ZNF473: variants seen among roughly 807,000 people sequenced by gnomAD.
The protein encoded by ZNF473 is zinc finger protein 473.
A neutral mutation model predicts 11.1 loss-of-function variants in ZNF473; 4 were observed. The observed-to-expected ratio is 0.36, with a 90% CI of 0.18 to 0.82. The LOEUF is 0.82. Ranked by LOEUF, ZNF473 falls within the 40% of genes least tolerant of loss-of-function variation. ZNF473 has a pLI of 0.49. For missense variants in ZNF473, 854 were observed against 1,084.0 expected, an observed-to-expected ratio of 0.79 and a Z score of 2.98; for synonymous variants, 404 against 390.4, an observed-to-expected ratio of 1.03 and a Z score of -0.41.
intron 2 of ZNF473, among the ~76,000 whole-genome samples, chr19:50,038,456 G>A (rs1309741666): frequency 1.3e-5 from 2 of 152,046 alleles, no homozygotes; most frequent in African/African-American, 4.8e-5. Flanking sequence ...CTGCTCTCCT[G>A]ACCAGCTCAC....
intron 2 of ZNF473, among the ~76,000 whole-genome samples, chr19:50,033,463 G>C (rs1051756398): frequency 7.2e-5 from 11 of 152,106 alleles, no homozygotes; most frequent in African/African-American, 2.7e-4. Context: ...GCCGTTGGAG[G>C]GTTTGGAGCA....
At chr19:50,036,217 C>T (rs1978427610) in intron 2 of ZNF473, among the ~76,000 whole-genome samples, 1 of 152,056 alleles carries the variant, frequency 6.6e-6, no homozygotes, top group African/African-American at 2.4e-5. Context: ...GCCTCAGCCT[C>T]TCAAAGTGCT....
chr19:50,045,610 G>C lies in ZNF473; in HGVS notation c.1167G>C (p.Leu389=). 1 of 1,614,102 alleles carries C rather than the reference G, an allele frequency of 6.2e-7. No homozygotes were observed. Among genetic ancestry groups the C allele is most frequent in the Non-Finnish European group, 8.5e-7 (1 of 1,180,010 alleles). ...GGAAGATTTTTAGGCACAGTTCGCT[G>C]CTCATTGAACACCAGGCTCTTCATG... is the stretch of plus-strand genomic sequence containing the variant. ...ECGKIFRHSS[L]LIEHQALHAG... Residue 389 remains leucine, a synonymous_variant, in exon 5 of 5, where the codon CTG becomes CTC. Coordinates refer to ENST00000270617, the MANE Select transcript of ZNF473 (RefSeq NM_015428.4).
intron 2 of ZNF473, among the ~76,000 whole-genome samples, chr19:50,034,456 T>G (rs1047324651): frequency 1.3e-5 from 2 of 152,208 alleles, no homozygotes; most frequent in African/African-American, 2.4e-5. Context: ...ACACATCAAA[T>G]GCATGACCTA....
At chr19:50,036,946 G>A (rs946650018) in intron 2 of ZNF473, among the ~76,000 whole-genome samples, 3 of 152,208 alleles carry the variant, frequency 2.0e-5, no homozygotes, top group African/African-American at 7.2e-5. Context: ...GTAACTTGGA[G>A]AAAGTGACTA....
At chr19:50,033,884 C>CATTATCTGTGATGA (rs2077331491) in intron 2 of ZNF473, among the ~76,000 whole-genome samples, 1 of 152,158 alleles carries the variant, frequency 6.6e-6, no homozygotes, top group African/African-American at 2.4e-5. Flanking sequence ...ACATTTAGGA[C>CATTATCTGTGATGA]CAACCCAGAT....
intron 4 of ZNF473, 55 bp from the exon 5 acceptor site, chr19:50,044,615 C>G (rs1298970056): frequency 1.4e-6 from 2 of 1,441,860 alleles, no homozygotes; most frequent in South Asian, 2.6e-5. Context: ...CCTACTTGCT[C>G]TTGTCTGTGT....
At chr19:50,033,577 T>C (rs2122811550) in intron 2 of ZNF473, among the ~76,000 whole-genome samples, 1 of 152,320 alleles carries the variant, frequency 6.6e-6, no homozygotes, top group South Asian at 2.1e-4. Context: ...AGGGTCTTAC[T>C]GCTGCTGTAA....
Position 50,046,989 on chromosome 19 carries a change from A to C in ZNF473, c.2546A>C (p.Lys849Thr). ...CTTTATCAGTGTCAACGTTGCCAGA[A>C]AGCCTTTCGGTGCCACTCGAGCCTC... ...ETLYQCQRCQKAFRCHSSLSR... is the reference protein window; with the variant it reads ...ETLYQCQRCQTAFRCHSSLSR... Residue 849 changes from lysine (K) to threonine (T), a missense_variant, in exon 5 of 5, where the codon AAA (lysine) becomes ACA (threonine). Around this residue, in one of 2 missense-constraint regions of ZNF473, gnomAD observed 186 missense variants for 293.8 expected, o/e 0.63. Transcript: ENST00000270617. This position sits in a 1 kb window ranked among gnomAD's most constrained non-coding sequence, Gnocchi z 5.9. 1 of 1,614,118 alleles carries C rather than the reference A, an allele frequency of 6.2e-7. No individual in the cohort carries two copies. Among genetic ancestry groups the C allele is most frequent in the South Asian group, 1.1e-5 (1 of 91,082 alleles).
At chr19:50,041,498 T>TCA (rs1266271799) in intron 3 of ZNF473, 1 of 341,378 alleles carries the variant, frequency 2.9e-6, no homozygotes, top group African/African-American at 2.1e-5. Flanking sequence ...GCCCCAGCTG[T>TCA]CACAGCTTTG....
chr19:50,026,713 C>G (rs1035410718), intron 1 of ZNF473, among the ~76,000 whole-genome samples: 2 of 151,310 alleles, frequency 1.3e-5, no homozygotes, highest in Non-Finnish European at 2.9e-5. Context: ...TGGTGGTGCG[C>G]CCCTGTATTC....
chr19:50,046,732 C>A lies in ZNF473; in HGVS notation c.2289C>A (p.Cys763Ter). Residue 763 changes from cysteine (C) to a stop codon, truncating the protein, a stop_gained, in exon 5 of 5, where the codon TGC becomes TGA. Transcript: ENST00000270617. LOFTEE classifies it low-confidence loss of function (END_TRUNC). The surrounding 1 kb of genome is among the most constrained non-coding windows in gnomAD (Gnocchi z 5.9). Reference protein sequence around the residue: ...TGEKPYVCQECGKAFTQSSCL... With the variant: ...TGEKPYVCQE ...AAAAGCCTTATGTTTGTCAGGAATG[C>A]GGGAAAGCCTTCACCCAGAGCTCAT... The A allele has an allele frequency of 6.2e-7, 1 of 1,614,096 alleles. No individual in the cohort carries two copies. Among genetic ancestry groups the A allele is most frequent in the South Asian group, 1.1e-5 (1 of 91,084 alleles).
chr19:50,047,434 T>C lies in ZNF473; in HGVS notation c.*375T>C, dbSNP rs1386527752. ...ATAAATGTGAAGCACTTAGAACTGA[T>C]GGCCAGCACATGAGGGCTCACCAAG... is the stretch of plus-strand genomic sequence containing the variant. On this transcript the variant is annotated 3_prime_UTR_variant, in exon 5 of 5. Coordinates refer to ENST00000270617, the MANE Select transcript of ZNF473 (RefSeq NM_015428.4). 4.9e-6 allele frequency: 1 copy of C among 203,070 alleles called. No individual in the cohort carries two copies. The highest frequency in any genetic ancestry group is 1.0e-5 in the Non-Finnish European group (1 of 97,664). 12.6% of individuals were successfully genotyped at this position (203,070 alleles called of 1,614,324 possible). A position where few individuals can be genotyped will look rare whatever the true frequency, so the allele number is the denominator to read the frequency against.
In ZNF473 at chr19:50,030,276, C is replaced by T. The variant is rs1032818096; in HGVS notation, c.-191-616C>T. Among the ~76,000 whole-genome samples the T allele has an allele frequency of 6.6e-5, 10 of 152,210 alleles. No individual in the cohort carries two copies. In the South Asian group the frequency reaches 8.3e-4, roughly 13 times the overall value. On this transcript the variant is annotated intron_variant, in intron 1 of 4. Transcript: ENST00000270617. ...TAATCCCAGCACTTTGGGTGGCCCACGAGGGCGGCTTACTTGAGGTCAGGA... is the reference window on the plus strand; with the variant it reads ...TAATCCCAGCACTTTGGGTGGCCCATGAGGGCGGCTTACTTGAGGTCAGGA...
chr19:50,036,674 A>G (rs1440515104), intron 2 of ZNF473, among the ~76,000 whole-genome samples: 1 of 151,966 alleles, frequency 6.6e-6, no homozygotes, highest in Non-Finnish European at 1.5e-5. Flanking sequence ...TGCCTGTGTG[A>G]GTGAATTCAT....
Position 50,047,193 on chromosome 19 carries a change from T to C in ZNF473, c.*134T>C. ...ATTAGAAAGTTTGTGCGCATGTTTT[T>C]CATTATAACAATGAAAACACAAAAG... On this transcript the variant is annotated 3_prime_UTR_variant, in exon 5 of 5. Coordinates refer to ENST00000270617, the MANE Select transcript of ZNF473 (RefSeq NM_015428.4). 1 of 799,836 alleles carries C rather than the reference T, an allele frequency of 1.3e-6. No homozygotes were observed. The highest frequency in any genetic ancestry group is 1.9e-6 in the Non-Finnish European group (1 of 520,806). 49.5% of individuals were successfully genotyped at this position (799,836 alleles called of 1,614,324 possible). A position where few individuals can be genotyped will look rare whatever the true frequency, so the allele number is the denominator to read the frequency against.
In ZNF473 at chr19:50,048,070, C is replaced by T. The variant is rs147559332; in HGVS notation, c.*1011C>T. ...GGGCGGGTAGTATCCATACACTATG[C>T]ACTACTGCTCTGAAGCTTCTGGAAT... On this transcript the variant is annotated 3_prime_UTR_variant, in exon 5 of 5. Coordinates refer to ENST00000270617, the MANE Select transcript of ZNF473 (RefSeq NM_015428.4). 9.9e-4 allele frequency: 151 copies of T among 152,240 alleles called. No homozygotes were observed. Among genetic ancestry groups the T allele is most frequent in the African/African-American group, 3.5e-3 (144 of 41,472 alleles). The allele number at this position is 152,240 out of a possible 1,614,324, so 9.4% of individuals were successfully genotyped here.
rs1197468988 is a variant in ZNF473 at position 50,044,599 on chromosome 19, A to G, written c.227-71A>G. The G allele has an allele frequency of 2.1e-5, 27 of 1,289,098 alleles. No individual in the cohort carries two copies. In the South Asian group the frequency reaches 2.3e-4, roughly 11 times the overall value. The allele number at this position is 1,289,098 out of a possible 1,614,324, so 79.9% of individuals were successfully genotyped here. A position where few individuals can be genotyped will look rare whatever the true frequency, so the allele number is the denominator to read the frequency against. On this transcript the variant is annotated intron_variant, in intron 4 of 4. Transcript: ENST00000270617. Reference sequence around the variant, plus strand: ...GATGGATAGGCTGGACTCAAGATCTATCACCCCTACTTGCTCTTGTCTGTG... The same window carrying G: ...GATGGATAGGCTGGACTCAAGATCTGTCACCCCTACTTGCTCTTGTCTGTG...
At position 50,039,339 on chromosome 19, in the gene ZNF473, C is replaced by T; in HGVS notation, c.136+52C>T. On this transcript the variant is annotated intron_variant, in intron 3 of 4. Coordinates refer to ENST00000270617, the MANE Select transcript of ZNF473 (RefSeq NM_015428.4). The surrounding 1 kb of genome is among the most constrained non-coding windows in gnomAD (Gnocchi z 4.8). The stretch of plus-strand genomic sequence containing the variant: ...TACTCACTGCCCTGCTTGGTGATCA[C>T]CCATGCTCTCTACCACCCACAGGGT... 1 of 1,605,944 alleles carries T rather than the reference C, an allele frequency of 6.2e-7. No homozygotes were observed.
Sources: allele counts gnomAD v4.1 joint callset (sites outside exome capture counted in the v4.1 genomes callset), GRCh38; gene constraint gnomAD v4.1.1; regional missense constraint gnomAD v4.1.1; non-coding constraint Gnocchi (gnomAD v3.1); transcripts MANE v1.5; gene names NCBI Gene and HGNC (gene_info 2026-07-23, HGNC 2026-07-21).